Variants in PHF14 observed in about 807,000 individuals in gnomAD.
PHF14 encodes PHD finger protein 14.
In PHF14, 55 loss-of-function variants were observed where a neutral mutation model predicts 117.9. The ratio of observed to expected loss-of-function variants is 0.47; its 90% CI spans 0.38 to 0.58. The LOEUF is 0.58. Among genes scored for constraint, PHF14 ranks in the 20% least tolerant of loss-of-function variants. The pLI, the probability that PHF14 is intolerant of heterozygous loss-of-function variation, is 0.00. For synonymous variants in PHF14, 409 were observed against 368.6 expected (o/e 1.11, Z -1.26); for missense variants, 978 against 1,122.2 (o/e 0.87, Z 1.84).
At chr7:11,035,358 A>G (rs960408266) in intron 7 of PHF14, among the ~76,000 whole-genome samples, 51 of 152,148 alleles carry the variant, frequency 3.4e-4, no homozygotes, top group African/African-American at 1.1e-3. Flanking sequence ...AAGGGCTACT[A>G]TACAAGTACA....
intron 3 of PHF14, among the ~76,000 whole-genome samples, chr7:10,983,729 A>G (rs1221425113): frequency 1.3e-5 from 2 of 152,134 alleles, no homozygotes; most frequent in East Asian, 3.8e-4. Context: ...AGTATGAACT[A>G]TTTTTACATA....
intron 17 of PHF14, among the ~76,000 whole-genome samples, chr7:11,137,909 G>A (rs1025469381): frequency 6.6e-6 from 1 of 151,288 alleles, no homozygotes; most frequent in Non-Finnish European, 1.5e-5. Context: ...TCTTAATCTT[G>A]TATTAAATAA....
chr7:11,010,038 A>G (rs969774221), intron 4 of PHF14, among the ~76,000 whole-genome samples: 1 of 152,222 alleles, frequency 6.6e-6, no homozygotes, highest in African/African-American at 2.4e-5. Flanking sequence ...TGAAGTTAAT[A>G]AATTGGATAG....
At chr7:11,043,367 C>G (rs561364206) in intron 13 of PHF14, among the ~76,000 whole-genome samples, 1 of 151,544 alleles carries the variant, frequency 6.6e-6, no homozygotes, top group African/African-American at 2.4e-5. Flanking sequence ...TTATCCTTTT[C>G]TTAATTTTAC....
intron 14 of PHF14, among the ~76,000 whole-genome samples, chr7:11,059,051 A>G (rs1785115479): frequency 6.6e-6 from 1 of 152,198 alleles, no homozygotes; most frequent in African/African-American, 2.4e-5. Context: ...ACTATTTTAG[A>G]TAATTACAAA....
chr7:10,978,531 A>G (rs1335777195), intron 2 of PHF14, among the ~76,000 whole-genome samples: 2 of 152,292 alleles, frequency 1.3e-5, no homozygotes, highest in South Asian at 2.1e-4. Context: ...AGTGTTGAGT[A>G]AAAGTAGAAG....
At chr7:11,160,342 A>G (rs1323067122) in intron 17 of PHF14, among the ~76,000 whole-genome samples, 1 of 152,172 alleles carries the variant, frequency 6.6e-6, no homozygotes. Context: ...CTTCGCTATT[A>G]TGAACAGTGC....
chr7:11,116,153 T>C (rs1394849706), intron 17 of PHF14, among the ~76,000 whole-genome samples: 1 of 152,032 alleles, frequency 6.6e-6, no homozygotes, highest in Non-Finnish European at 1.5e-5. Context: ...CAAATTCAGC[T>C]AATGAAAGCC....
rs1376227108 is a variant in PHF14 at position 11,107,116 on chromosome 7, T to C, written c.2655-4234T>C. 4.1e-6 allele frequency: 4 copies of C among 983,132 alleles called. No individual in the cohort carries two copies. In the East Asian group the frequency reaches 4.5e-4, roughly 112 times the overall value. The allele number at this position is 983,132 out of a possible 1,614,324, so 60.9% of individuals were successfully genotyped here. ...TTGTAGTTTACTCCTCTAATGAAAT[T>C]AGAGATGTTAAACCCTTTGGAATAC... On this transcript the variant is annotated intron_variant, in intron 16 of 17. Coordinates refer to ENST00000634607, the MANE Select transcript of PHF14 (RefSeq NM_001007157.2).
intron 4 of PHF14, among the ~76,000 whole-genome samples, chr7:10,999,838 T>C (rs372515728): frequency 2.0e-5 from 3 of 152,252 alleles, no homozygotes; most frequent in East Asian, 3.8e-4. Flanking sequence ...GTTGTGTCTA[T>C]ATAAAGTCAT....
At chr7:11,072,809 G>A (rs992849767) in intron 16 of PHF14, among the ~76,000 whole-genome samples, 1 of 152,154 alleles carries the variant, frequency 6.6e-6, no homozygotes, top group African/African-American at 2.4e-5. Flanking sequence ...GAGGTCTCAG[G>A]AAACTTACAA....
At chr7:11,062,274 A>T (rs1407667709) in intron 16 of PHF14, 189 bp downstream of exon 16, 4 of 413,904 alleles carry the variant, frequency 9.7e-6, no homozygotes, top group Non-Finnish European at 1.7e-5. Flanking sequence ...TCTGGATTTA[A>T]ATGTAAATAA....
At chr7:11,028,606 A>C in intron 6 of PHF14, 75 bp from the exon 7 acceptor site, 1 of 1,301,794 alleles carries the variant, frequency 7.7e-7, no homozygotes, top group Admixed American at 1.9e-5. Flanking sequence ...TATTTAGTGG[A>C]CACTTTGTAT....
At chr7:10,974,596 C>T (rs1271145417) in intron 1 of PHF14, among the ~76,000 whole-genome samples, 1 of 152,180 alleles carries the variant, frequency 6.6e-6, no homozygotes, top group Non-Finnish European at 1.5e-5. Flanking sequence ...TCGATTTTAG[C>T]TGGTCTGAGT....
intron 17 of PHF14, among the ~76,000 whole-genome samples, chr7:11,132,910 G>A: frequency 6.6e-6 from 1 of 151,704 alleles, no homozygotes; most frequent in Non-Finnish European, 1.5e-5. Context: ...GTTCTTTGGA[G>A]AAATGTCTAT....
At chr7:10,994,459 G>A (rs2128311281) in intron 4 of PHF14, among the ~76,000 whole-genome samples, 1 of 152,194 alleles carries the variant, frequency 6.6e-6, no homozygotes, top group East Asian at 1.9e-4. Context: ...ATCTTGAAGT[G>A]GTAGCATGCT....
At chr7:11,157,505 C>A (rs756235935) in intron 17 of PHF14, among the ~76,000 whole-genome samples, 7 of 152,010 alleles carry the variant, frequency 4.6e-5, no homozygotes, top group Admixed American at 6.6e-5. Flanking sequence ...TCTTAAGTAC[C>A]TCTTTTTCCC....
intron 16 of PHF14, among the ~76,000 whole-genome samples, chr7:11,073,868 A>G (rs1785718137): frequency 6.6e-6 from 1 of 152,118 alleles, no homozygotes; most frequent in East Asian, 1.9e-4. Context: ...CCAAGGCCAG[A>G]TTGGTGGCCC....
intron 17 of PHF14, among the ~76,000 whole-genome samples, chr7:11,111,820 G>A (rs2128343624): frequency 6.6e-6 from 1 of 151,184 alleles, no homozygotes. Flanking sequence ...AATTATGTTA[G>A]CTAACAGAAT....
Sources: allele counts gnomAD v4.1 joint callset (sites outside exome capture counted in the v4.1 genomes callset), GRCh38; gene constraint gnomAD v4.1.1; transcripts MANE v1.5; gene names NCBI Gene and HGNC (gene_info 2026-07-23, HGNC 2026-07-21).